SPATA13: variants seen among roughly 807,000 people sequenced by gnomAD.
SPATA13 encodes spermatogenesis-associated protein 13.
In SPATA13, 50 loss-of-function variants were observed where a neutral mutation model predicts 104.0. The observed-to-expected ratio is 0.48, with a 90% CI of 0.38 to 0.61. The LOEUF is 0.61. SPATA13 is among the 20% of genes least tolerant of loss of function. The pLI is 0.00. For missense variants in SPATA13, 1,524 were observed against 1,690.6 expected, an observed-to-expected ratio of 0.90 and a Z score of 1.73; for synonymous variants, 606 against 667.5, an observed-to-expected ratio of 0.91 and a Z score of 1.42.
intron 3 of SPATA13, among the ~76,000 whole-genome samples, chr13:24,105,684 G>A (rs1880421540): frequency 2.0e-5 from 3 of 152,236 alleles, no homozygotes; most frequent in Middle Eastern, 3.4e-3. Context: ...GTTAAGGGCC[G>A]AATTGTGTCC....
chr13:24,240,170 G>A (rs1872763731), intron 2 of SPATA13, among the ~76,000 whole-genome samples: 1 of 151,682 alleles, frequency 6.6e-6, no homozygotes. Context: ...CCAAGCAGAA[G>A]GATCACTTGA....
At chr13:24,168,084 G>A (rs1294941464) in intron 1 of SPATA13, among the ~76,000 whole-genome samples, 1 of 152,080 alleles carries the variant, frequency 6.6e-6, no homozygotes, top group Admixed American at 6.6e-5. Flanking sequence ...CATTTTTCAT[G>A]TCGACTTCAT....
intron 4 of SPATA13, among the ~76,000 whole-genome samples, 164 bp from the exon 5 acceptor site, chr13:24,283,971 C>T (rs1191197902): frequency 6.6e-6 from 1 of 152,212 alleles, no homozygotes; most frequent in African/African-American, 2.4e-5. Flanking sequence ...TTAACTGCAG[C>T]TCTTAACTTT....
intron 1 of SPATA13, among the ~76,000 whole-genome samples, chr13:24,213,599 C>T (rs781309270): frequency 1.3e-5 from 2 of 152,180 alleles, no homozygotes; most frequent in Non-Finnish European, 2.9e-5. Context: ...GGACAACACC[C>T]TTCTCCCTGT....
chr13:24,093,472 G>C (rs1029252409), intron 3 of SPATA13, among the ~76,000 whole-genome samples: 1 of 152,168 alleles, frequency 6.6e-6, no homozygotes, highest in African/African-American at 2.4e-5. Context: ...GCCTTAGGTA[G>C]AAATGGCCTA....
chr13:24,224,277 G>A lies in SPATA13; in HGVS notation c.1348G>A (p.Gly450Ser), dbSNP rs1252552737. The part of the protein sequence containing the change: ...LSKDSCDPNA[G>S]SQLTFDPEQP... ...CAAAGACTCCTGTGACCCAAACGCT[G>A]GCAGCCAGTTGACATTTGACCCTGA... The change falls in exon 2 of 13, where the codon GGC becomes AGC. Residue 450 changes from glycine (G) to serine (S), a missense_variant. Coordinates refer to ENST00000382108, the MANE Select transcript of SPATA13 (RefSeq NM_001166271.3). 6.4e-7 allele frequency: 1 copy of A among 1,551,728 alleles called. No individual in the cohort carries two copies. The highest frequency in any genetic ancestry group is 8.7e-7 in the Non-Finnish European group (1 of 1,147,010).
chr13:24,067,631 T>C (rs1593309591), intron 3 of SPATA13, among the ~76,000 whole-genome samples: 6 of 152,352 alleles, frequency 3.9e-5, no homozygotes, highest in Admixed American at 3.9e-4. Flanking sequence ...GAAGGCTCTA[T>C]GCTGTGTCAC....
In SPATA13 at chr13:24,030,085, CACACAT is replaced by C. The variant is rs769359291; in HGVS notation, c.-112+12388_-112+12393del. On this transcript the variant is annotated intron_variant, in intron 3 of 14. Coordinates refer to the SPATA13 transcript ENST00000424834. ...ACACACGCACACACACACACACACA[CACACAT>C]ACATACATACATACATATACCCTCC... Among the ~76,000 whole-genome samples the C allele has an allele frequency of 8.3e-3, 1,251 of 151,280 alleles. 8 individuals carry two copies. Among genetic ancestry groups the C allele is most frequent in the Non-Finnish European group, 0.012 (784 of 67,856 alleles).
At chr13:23,993,468 C>G (rs550588465) in intron 2 of SPATA13, among the ~76,000 whole-genome samples, 4 of 152,346 alleles carry the variant, frequency 2.6e-5, no homozygotes, top group African/African-American at 9.6e-5. Flanking sequence ...AATAAGGCTT[C>G]TCTGCAAATA....
intron 2 of SPATA13, among the ~76,000 whole-genome samples, chr13:24,240,199 G>A (rs1047633080): frequency 6.6e-5 from 10 of 151,840 alleles, no homozygotes; most frequent in African/African-American, 2.4e-4. Context: ...GGTTGAGGCT[G>A]CAATGAGCCG....
At chr13:24,162,587 T>G (rs935518457) in intron 1 of SPATA13, 12 of 155,088 alleles carry the variant, frequency 7.7e-5, no homozygotes. Flanking sequence ...AGTCGTATCC[T>G]CTACATAGTT....
At chr13:24,215,250 C>T in intron 1 of SPATA13, among the ~76,000 whole-genome samples, 1 of 152,136 alleles carries the variant, frequency 6.6e-6, no homozygotes, top group Non-Finnish European at 1.5e-5. Context: ...TGCCAAGAGG[C>T]AGGGAGGGCT....
intron 2 of SPATA13, among the ~76,000 whole-genome samples, chr13:24,232,893 T>C (rs1289123450): frequency 6.6e-6 from 1 of 152,232 alleles, no homozygotes; most frequent in Admixed American, 6.5e-5. Flanking sequence ...TTAGTTTTGA[T>C]GAAAATACAG....
At chr13:24,287,062 T>C in intron 7 of SPATA13, 112 bp downstream of exon 7, 2 of 862,294 alleles carry the variant, frequency 2.3e-6, no homozygotes, top group Non-Finnish European at 3.5e-6. Context: ...CCCACATGTA[T>C]GCTCATTTCT....
intron 9 of SPATA13, among the ~76,000 whole-genome samples, chr13:24,292,317 G>A (rs1242726114): frequency 6.6e-6 from 1 of 152,234 alleles, no homozygotes; most frequent in Non-Finnish European, 1.5e-5. Flanking sequence ...GTACCTCAAG[G>A]TAGCAGTGCT....
chr13:24,090,469 C>G (rs1363375516), intron 3 of SPATA13, among the ~76,000 whole-genome samples: 1 of 152,220 alleles, frequency 6.6e-6, no homozygotes, highest in Admixed American at 6.5e-5. Context: ...CTCCTCCTGA[C>G]CGTCCCCTCA....
intron 4 of SPATA13, among the ~76,000 whole-genome samples, chr13:24,253,997 C>T (rs952929921): frequency 2.0e-5 from 3 of 151,974 alleles, no homozygotes; most frequent in Non-Finnish European, 2.9e-5. Flanking sequence ...TATTATGTTC[C>T]GGTTTATGCT....
intron 4 of SPATA13, chr13:24,271,043 T>C: frequency 3.1e-6 from 1 of 317,682 alleles, no homozygotes; most frequent in Non-Finnish European, 5.9e-6. Flanking sequence ...TCTCTCTCAC[T>C]CTCTCTCTCT....
At chr13:24,248,202 C>A (rs1334933491) in intron 2 of SPATA13, among the ~76,000 whole-genome samples, 6 of 152,226 alleles carry the variant, frequency 3.9e-5, no homozygotes, top group Admixed American at 2.0e-4. Context: ...TCTCATCAGG[C>A]CTGATCCCTG....
Sources: gnomAD v4.1 joint callset for allele counts (sites outside exome capture counted in the v4.1 genomes callset) on GRCh38, gnomAD v4.1.1 for gene constraint, MANE v1.5 for transcripts, NCBI Gene and HGNC (gene_info 2026-07-23, HGNC 2026-07-21) for gene names.